C7: variants seen among roughly 807,000 people sequenced by gnomAD.
C7 encodes complement component C7.
In C7, 83 loss-of-function variants were observed where a neutral mutation model predicts 104.8. That is an observed-to-expected ratio of 0.79 (90% CI 0.66 to 0.95). The LOEUF (loss-of-function observed/expected upper bound fraction) is 0.95. Among genes scored for constraint, C7 ranks in the 40% least tolerant of loss-of-function variants. The pLI is 0.00. For synonymous variants in C7, 415 were observed against 360.6 expected (o/e 1.15, Z -1.71); for missense variants, 1,070 against 1,011.2 (o/e 1.06, Z -0.79).
chr5:40,965,371 C>T (rs533060278), intron 14 of C7, among the ~76,000 whole-genome samples: 1 of 152,276 alleles, frequency 6.6e-6, no homozygotes, highest in South Asian at 2.1e-4. Flanking sequence ...ATCAGTTGCT[C>T]TGTGCTATAT....
rs369097905 is a variant in C7, at chr5:40,958,223, C to T, written c.1451C>T (p.Ala484Val). The T allele has an allele frequency of 9.0e-5, 145 of 1,611,244 alleles. No homozygotes were observed. The highest frequency in any genetic ancestry group is 2.4e-4 in the African/African-American group (18 of 74,968). ...LCHCKPYTFG[A>V]ACEQGVLVGN... ...CATTGCAAACCGTACACATTTGGTGCGGCGTGTGAGCAAGGAGTCCTCGTA... is the reference window on the plus strand; with the variant it reads ...CATTGCAAACCGTACACATTTGGTGTGGCGTGTGAGCAAGGAGTCCTCGTA... Residue 484 changes from alanine to valine, a missense_variant, in exon 11 of 18, where the codon GCG becomes GTG. Physicochemically the swap from Ala to Val is moderately conservative, Grantham distance 64. Transcript: ENST00000313164.
intron 9 of C7, among the ~76,000 whole-genome samples, chr5:40,951,725 A>C (rs1301932701): frequency 6.6e-6 from 1 of 152,186 alleles, no homozygotes; most frequent in Non-Finnish European, 1.5e-5. Flanking sequence ...GCAGTATCAG[A>C]GTTTAAATCC....
chr5:40,929,540 C>A (rs1178097221), intron 2 of C7, among the ~76,000 whole-genome samples: 1 of 152,086 alleles, frequency 6.6e-6, no homozygotes, highest in Non-Finnish European at 1.5e-5. Flanking sequence ...GTAACCTGAC[C>A]CTCTTAAGAC....
At chr5:40,931,850 CCG>C (rs1418268562) in intron 3 of C7, among the ~76,000 whole-genome samples, 1 of 152,184 alleles carries the variant, frequency 6.6e-6, no homozygotes, top group Non-Finnish European at 1.5e-5. Flanking sequence ...TCTCCGCCTC[CCG>C]GGTTCAAGTG....
At chr5:40,940,596 C>T (rs1276018969) in intron 6 of C7, among the ~76,000 whole-genome samples, 1 of 152,200 alleles carries the variant, frequency 6.6e-6, no homozygotes, top group Non-Finnish European at 1.5e-5. Flanking sequence ...GCTGCATTAT[C>T]TAAGCCTTTG....
chr5:40,950,822 T>G (rs1266117404), intron 9 of C7, among the ~76,000 whole-genome samples: 1 of 152,146 alleles, frequency 6.6e-6, no homozygotes, highest in Admixed American at 6.6e-5. Flanking sequence ...GGTCAGGTTT[T>G]TGGTGCATGC....
chr5:40,968,122 ATTTTCT>A (rs1447528278), intron 14 of C7, among the ~76,000 whole-genome samples: 3 of 150,498 alleles, frequency 2.0e-5, no homozygotes, highest in African/African-American at 4.9e-5. Context: ...CATTCTAAAT[ATTTTCT>A]TTTTCTTTTT....
chr5:40,918,580 T>C (rs938802067), intron 1 of C7, among the ~76,000 whole-genome samples: 1 of 151,718 alleles, frequency 6.6e-6, no homozygotes, highest in African/African-American at 2.4e-5. Context: ...GGCACACAGA[T>C]TGAAAATTAG....
rs995531973 is a variant in C7, at chr5:40,929,714, C to A, written c.62+1079C>A. Among the ~76,000 whole-genome samples the A allele has an allele frequency of 4.6e-5, 7 of 152,146 alleles. No homozygotes were observed. The South Asian group carries it at 1.5e-3, about 32-fold the overall frequency. The stretch of plus-strand genomic sequence containing the variant: ...AGGTAGTCTTTTCCATATGACATGG[C>A]CAGAATGTGAGCATTTTATGAGAGT... On this transcript the variant is annotated intron_variant, in intron 2 of 17. Coordinates refer to ENST00000313164, the MANE Select transcript of C7 (RefSeq NM_000587.4).
At chr5:40,973,187 A>C (rs1278464211) in intron 15 of C7, among the ~76,000 whole-genome samples, 1 of 152,238 alleles carries the variant, frequency 6.6e-6, no homozygotes, top group Non-Finnish European at 1.5e-5. Context: ...TAAGAACCTA[A>C]GGTAGAAAGG....
In C7 at chr5:40,947,653, A is replaced by G. The variant is rs1740079081; in HGVS notation, c.790A>G (p.Asn264Asp). The change falls in exon 8 of 18, where the codon AAT becomes GAT. Residue 264 changes from asparagine (N) to aspartate (D), a missense_variant. Asn to Asp is a conservative substitution (Grantham distance 23). Transcript: ENST00000313164. Reference protein sequence around the residue: ...ENTVEVAQFINNNPEFLQLAE... With the variant: ...ENTVEVAQFIDNNPEFLQLAE... ...CACTGTTGAAGTGGCTCAGTTCATTAATAACAATCCAGAATTTTTACAACT... is the reference window on the plus strand; with the variant it reads ...CACTGTTGAAGTGGCTCAGTTCATTGATAACAATCCAGAATTTTTACAACT... The G allele has an allele frequency of 6.2e-7, 1 of 1,613,454 alleles. No individual in the cohort carries two copies. The highest frequency in any genetic ancestry group is 1.3e-5 in the African/African-American group (1 of 74,902).
At chr5:40,941,635 A>T (rs1328403236) in intron 6 of C7, among the ~76,000 whole-genome samples, 1 of 152,184 alleles carries the variant, frequency 6.6e-6, no homozygotes, top group Non-Finnish European at 1.5e-5. Flanking sequence ...CCTGAGAGAC[A>T]TAAGAGCGGC....
intron 7 of C7, 50 bp from the exon 8 acceptor site, chr5:40,947,552 C>A (rs1372022165): frequency 6.3e-7 from 1 of 1,596,984 alleles, no homozygotes; most frequent in African/African-American, 1.3e-5. Flanking sequence ...ATTTCCATTG[C>A]CTTTTTATCT....
At chr5:40,974,001 A>G (rs920036210) in intron 15 of C7, among the ~76,000 whole-genome samples, 5 of 152,218 alleles carry the variant, frequency 3.3e-5, no homozygotes, top group Non-Finnish European at 5.9e-5. Context: ...CCAGCTTCCA[A>G]AGTTGATGTT....
chr5:40,913,923 C>T (rs1739262653), intron 1 of C7, among the ~76,000 whole-genome samples: 1 of 152,140 alleles, frequency 6.6e-6, no homozygotes, highest in Non-Finnish European at 1.5e-5. Flanking sequence ...TCATGATTTG[C>T]CCGCCTCAGC....
rs1365677902 is a variant in C7 at position 40,959,603 on chromosome 5, G to A, written c.1644G>A (p.Glu548=). ...ETTESTQCED[E]ELEHLRLLEP... Reference sequence around the variant, plus strand: ...CAGAAAGCACACAATGCGAAGATGAGGAGCTGGAGCACTTGAGGTAATGGA... The same window carrying A: ...CAGAAAGCACACAATGCGAAGATGAAGAGCTGGAGCACTTGAGGTAATGGA... Residue 548 remains glutamate, a synonymous_variant, in exon 12 of 18, where the codon GAG becomes GAA. Transcript: ENST00000313164. 1 of 1,598,392 alleles carries A rather than the reference G, an allele frequency of 6.3e-7. No homozygotes were observed. Among genetic ancestry groups the A allele is most frequent in the South Asian group, 1.1e-5 (1 of 88,826 alleles).
At chr5:40,914,690 A>G (rs992530274) in intron 1 of C7, among the ~76,000 whole-genome samples, 2 of 152,178 alleles carry the variant, frequency 1.3e-5, no homozygotes, top group African/African-American at 2.4e-5. Flanking sequence ...GATGCTAGAC[A>G]TTCTATGCAA....
At chr5:40,951,978 C>T (rs565216931) in intron 9 of C7, among the ~76,000 whole-genome samples, 7 of 152,116 alleles carry the variant, frequency 4.6e-5, no homozygotes, top group South Asian at 2.1e-4. Flanking sequence ...TGCTTGTCTT[C>T]GTGAAGTTGA....
At chr5:40,927,440 G>T (rs986295410) in intron 1 of C7, among the ~76,000 whole-genome samples, 1 of 151,992 alleles carries the variant, frequency 6.6e-6, no homozygotes, top group African/African-American at 2.4e-5. Flanking sequence ...AGGAGACAAT[G>T]ATCAGTTTTC....
Sources: gnomAD v4.1 joint callset for allele counts (sites outside exome capture counted in the v4.1 genomes callset) on GRCh38, gnomAD v4.1.1 for gene constraint, MANE v1.5 for transcripts, NCBI Gene and HGNC (gene_info 2026-07-23, HGNC 2026-07-21) for gene names.